SPTBN2: variants seen among roughly 807,000 people sequenced by gnomAD.
SPTBN2 encodes the protein spectrin beta chain, non-erythrocytic 2.
A neutral mutation model predicts 284.2 loss-of-function variants in SPTBN2; 107 were observed. The observed-to-expected ratio is 0.38, with a 90% confidence interval of 0.32 to 0.44. The LOEUF (loss-of-function observed/expected upper bound fraction) is 0.44. Among genes scored for constraint, SPTBN2 ranks in the 20% least tolerant of loss-of-function variants. The pLI is 1.00. For missense variants in SPTBN2, 2,569 were observed against 3,287.1 expected (o/e 0.78, Z 5.34); for synonymous variants, 1,289 against 1,354.8 (o/e 0.95, Z 1.07).
In SPTBN2 at chr11:66,692,710, C is replaced by T. The variant is rs1301407392; in HGVS notation, c.5016G>A (p.Val1672=). The part of the protein sequence containing the change: ...STRISIRQAQ[V]DKLYAGLKEL... ...CCTTCAGGCCGGCATACAGCTTGTC[C>T]ACCTGGGCTTGGCGGATGGATATCC... is the stretch of plus-strand genomic sequence containing the variant. Residue 1672 remains valine, a synonymous_variant, in exon 26 of 38, where the codon GTG becomes GTA. Coordinates refer to ENST00000533211, the MANE Select transcript of SPTBN2 (RefSeq NM_006946.4). The T allele has an allele frequency of 8.7e-6, 14 of 1,603,404 alleles. No homozygotes were observed. The Admixed American group carries it at 1.3e-4, about 15-fold the overall frequency.
At chr11:66,695,019 GCTTC>G (rs1229804887) in intron 21 of SPTBN2, among the ~76,000 whole-genome samples, 1 of 152,206 alleles carries the variant, frequency 6.6e-6, no homozygotes, top group Non-Finnish European at 1.5e-5. Flanking sequence ...TGGCTTGCTG[GCTTC>G]AGACATGCTC....
In SPTBN2 at chr11:66,685,765, G is replaced by T; in HGVS notation, c.*106C>A. The T allele has an allele frequency of 9.1e-7, 1 of 1,095,220 alleles. No individual in the cohort carries two copies. 67.8% of individuals were successfully genotyped at this position (1,095,220 alleles called of 1,614,324 possible). On this transcript the variant is annotated 3_prime_UTR_variant, in exon 38 of 38. Coordinates refer to ENST00000533211, the MANE Select transcript of SPTBN2 (RefSeq NM_006946.4). The surrounding 1 kb of genome is among the most constrained non-coding windows in gnomAD (Gnocchi z 4.4). The stretch of plus-strand genomic sequence containing the variant: ...TGGTGATGGGTTGACCTTGGCAACA[G>T]ACCCTAGCAGCAGGCAGTTGTCCTG...
intron 1 of SPTBN2, among the ~76,000 whole-genome samples, chr11:66,743,730 G>C (rs1012324198): frequency 2.6e-5 from 4 of 152,172 alleles, no homozygotes; most frequent in Non-Finnish European, 4.4e-5. Flanking sequence ...CACATTCAGT[G>C]CAGTCAAACG....
intron 10 of SPTBN2, 78 bp from the exon 11 acceptor site, chr11:66,709,097 G>T: frequency 2.6e-6 from 3 of 1,168,918 alleles, no homozygotes; most frequent in Non-Finnish European, 3.9e-6. Flanking sequence ...CCAAATGGGT[G>T]TCCTGTGTTG....
intron 8 of SPTBN2, 41 bp downstream of exon 8, chr11:66,713,590 C>T (rs896411007): frequency 3.2e-6 from 5 of 1,557,608 alleles, no homozygotes; most frequent in Non-Finnish European, 4.4e-6. Flanking sequence ...CACCTCCTGT[C>T]TCTACCCTAC....
At chr11:66,721,002 C>T (rs1942377156) in intron 3 of SPTBN2, 82 bp downstream of exon 3, 1 of 1,584,104 alleles carries the variant, frequency 6.3e-7, no homozygotes. Context: ...GTCAGTCTTC[C>T]CATAAAGTTA....
upstream of SPTBN2, among the ~76,000 whole-genome samples, chr11:66,732,407 T>C (rs1942819583): frequency 6.6e-6 from 1 of 152,126 alleles, no homozygotes; most frequent in Admixed American, 6.5e-5. Context: ...CCCAGCACTT[T>C]GGGAGGCCAA....
At chr11:66,721,304 C>T (rs1403324267) in intron 2 of SPTBN2, 42 bp from the exon 3 acceptor site, 5 of 1,604,736 alleles carry the variant, frequency 3.1e-6, no homozygotes, top group Non-Finnish European at 3.4e-6. Flanking sequence ...CCAGGGACCA[C>T]CAAGCCCTCC....
chr11:66,716,045 G>T lies in SPTBN2; in HGVS notation c.158-64C>A, dbSNP rs898432466. 13 of 1,608,810 alleles carry T rather than the reference G, an allele frequency of 8.1e-6. No homozygotes were observed. In the African/African-American group the frequency reaches 1.7e-4, roughly 22 times the overall value. On this transcript the variant is annotated intron_variant, in intron 3 of 37. Coordinates refer to ENST00000533211, the MANE Select transcript of SPTBN2 (RefSeq NM_006946.4). Reference sequence around the variant, plus strand: ...TCAGTATGCCTGCTTCTAAACACCAGTTGGCAGGGGTGGGGGATGGAGAAG... The same window carrying T: ...TCAGTATGCCTGCTTCTAAACACCATTTGGCAGGGGTGGGGGATGGAGAAG...
At chr11:66,692,857 A>T in intron 25 of SPTBN2, 113 bp downstream of exon 25, 1 of 1,595,610 alleles carries the variant, frequency 6.3e-7, no homozygotes, top group Non-Finnish European at 8.5e-7. Flanking sequence ...CCTGTGTTCC[A>T]GCTTTCTAGA....
chr11:66,714,468 A>G (rs1287945077), intron 5 of SPTBN2, 61 bp from the exon 6 acceptor site: 1 of 1,391,334 alleles, frequency 7.2e-7, no homozygotes, highest in African/African-American at 1.4e-5. Context: ...GTTATCAGAG[A>G]TGCTCAGATA....
intron 8 of SPTBN2, 80 bp from the exon 9 acceptor site, chr11:66,711,109 G>C (rs1941837865): frequency 1.7e-6 from 2 of 1,154,714 alleles, no homozygotes; most frequent in African/African-American, 3.0e-5. Context: ...CCCTGGGCCT[G>C]CCCAGTCCTC....
chr11:66,735,413 C>T (rs1942844882), intron 1 of SPTBN2, among the ~76,000 whole-genome samples: 2 of 151,826 alleles, frequency 1.3e-5, no homozygotes, highest in Non-Finnish European at 2.9e-5. Flanking sequence ...GAGTTTAAAA[C>T]TTGCAACGAT....
At position 66,700,903 on chromosome 11, in the gene SPTBN2, G is replaced by A. The variant is rs1208354736; in HGVS notation, c.3196C>T (p.Arg1066Trp). 4.4e-6 allele frequency: 7 copies of A among 1,600,552 alleles called. No individual in the cohort carries two copies. The highest frequency in any genetic ancestry group is 1.7e-5 in the Admixed American group (1 of 59,996). Residue 1066 changes from arginine to tryptophan, a missense_variant, in exon 17 of 38, where the codon CGG (arginine) becomes TGG (tryptophan). Around this residue, in one of 6 missense-constraint regions of SPTBN2, gnomAD observed 1,012 missense variants for 1,248.9 expected, o/e 0.81. Coordinates refer to ENST00000533211, the MANE Select transcript of SPTBN2 (RefSeq NM_006946.4). The surrounding 1 kb of genome is among the most constrained non-coding windows in gnomAD (Gnocchi z 6.6). ...AAGCTGCGCAAGAAGTCCTGCAGCC[G>A]CCGCGCCTCCCCCAGCGACTCTTCT... ...RREESLGEAR[R>W]LQDFLRSLDD...
At position 66,705,751 on chromosome 11, in the gene SPTBN2, G is replaced by A. The variant is rs759769584; in HGVS notation, c.1740C>T (p.Ile580=). Residue 580 remains isoleucine, a synonymous_variant, in exon 14 of 38, where the codon ATC becomes ATT. Transcript: ENST00000533211. ...LQLHELVEAD[I]AVQAERVRAV... ...CCCGCACCCTCTCGGCCTGCACGGC[G>A]ATGTCTGCCTCCACCAGCTCGTGCA... The A allele has an allele frequency of 6.8e-6, 11 of 1,612,544 alleles. No homozygotes were observed. The Admixed American group carries it at 1.0e-4, about 15-fold the overall frequency.
chr11:66,743,640 T>C (rs1942921241), intron 1 of SPTBN2, among the ~76,000 whole-genome samples: 3 of 152,162 alleles, frequency 2.0e-5, no homozygotes, highest in African/African-American at 7.2e-5. Flanking sequence ...GACCTCCTTA[T>C]TCCAGCCAGG....
chr11:66,686,770 G>A (rs1940143505), intron 36 of SPTBN2: 2 of 667,164 alleles, frequency 3.0e-6, no homozygotes, highest in Non-Finnish European at 5.1e-6. Context: ...TTTTCACCTT[G>A]ACATTGGCAG....
intron 1 of SPTBN2, among the ~76,000 whole-genome samples, chr11:66,726,442 G>A (rs1942625287): frequency 6.6e-6 from 1 of 152,212 alleles, no homozygotes; most frequent in African/African-American, 2.4e-5. Context: ...GAAGCTAATG[G>A]TCTGGGGACC....
At chr11:66,699,182 C>T in intron 18 of SPTBN2, 100 bp from the exon 19 acceptor site, 2 of 1,460,702 alleles carry the variant, frequency 1.4e-6, no homozygotes, top group East Asian at 2.3e-5. Context: ...GGGAATAACG[C>T]CTTCCGGGAG....
Sources: gnomAD v4.1 joint callset for allele counts (sites outside exome capture counted in the v4.1 genomes callset) on GRCh38, gnomAD v4.1.1 for gene constraint, gnomAD v4.1.1 regional missense constraint, Gnocchi (gnomAD v3.1) non-coding constraint, MANE v1.5 for transcripts, NCBI Gene and HGNC (gene_info 2026-07-23, HGNC 2026-07-21) for gene names.